The following MACROD1 variants were observed in gnomAD, a reference collection of about 807,000 sequenced individuals.
The protein encoded by MACROD1 is ADP-ribose glycohydrolase MACROD1.
MACROD1 carries 31 observed loss-of-function variants against 41.4 expected under a neutral mutation model. The observed-to-expected ratio is 0.75, with a 90% CI of 0.56 to 1.01. The LOEUF (loss-of-function observed/expected upper bound fraction) is 1.01, where lower values mean the gene tolerates loss of function less well. Ranked by LOEUF, MACROD1 falls within the 50% of genes least tolerant of loss-of-function variation. The pLI, the probability that MACROD1 is intolerant of heterozygous loss-of-function variation, is 0.00. For missense variants in MACROD1, 473 were observed against 460.0 expected (o/e 1.03, Z -0.26); for synonymous variants, 252 against 203.4 (o/e 1.24, Z -2.03).
In MACROD1 at chr11:64,096,650, C is replaced by A. The variant is rs901262796; in HGVS notation, c.517+54589G>T. On this transcript the variant is annotated intron_variant, in intron 3 of 10. Coordinates refer to ENST00000255681, the MANE Select transcript of MACROD1 (RefSeq NM_014067.4). This position sits in a 1 kb window ranked among gnomAD's most constrained non-coding sequence, Gnocchi z 4.6. Reference sequence around the variant, plus strand: ...CAGGCTGGTCTCGAACTCCTGACCTCAAGTTATCCGCCTGCCTCAGCCTCC... The same window carrying A: ...CAGGCTGGTCTCGAACTCCTGACCTAAAGTTATCCGCCTGCCTCAGCCTCC... 1.3e-5 allele frequency among the ~76,000 whole-genome samples: 2 copies of A among 152,146 alleles called. No individual in the cohort carries two copies. Among genetic ancestry groups the A allele is most frequent in the Admixed American group, 6.5e-5 (1 of 15,278 alleles).
In MACROD1 at chr11:64,120,452, T is replaced by C. The variant is rs935744470; in HGVS notation, c.517+30787A>G. Among the ~76,000 whole-genome samples the C allele has an allele frequency of 1.3e-5, 2 of 152,124 alleles. No individual in the cohort carries two copies. The highest frequency in any genetic ancestry group is 2.9e-5 in the Non-Finnish European group (2 of 68,014). On this transcript the variant is annotated intron_variant, in intron 3 of 10. Transcript: ENST00000255681. This position sits in a 1 kb window ranked among gnomAD's most constrained non-coding sequence, Gnocchi z 4.5. ...CTGTAATCCCAGCACTTTGGGAGACTGAGGCAGGCAGATTTTCTGAGGTCA... is the reference window on the plus strand; with the variant it reads ...CTGTAATCCCAGCACTTTGGGAGACCGAGGCAGGCAGATTTTCTGAGGTCA...
chr11:64,130,915 C>T (rs1172563841), intron 3 of MACROD1, among the ~76,000 whole-genome samples: 1 of 152,226 alleles, frequency 6.6e-6, no homozygotes, highest in East Asian at 1.9e-4. Context: ...TGCTGCCAAG[C>T]CTGGGACGAG....
At chr11:64,149,659 C>T (rs1281457413) in intron 3 of MACROD1, among the ~76,000 whole-genome samples, 1 of 152,218 alleles carries the variant, frequency 6.6e-6, no homozygotes, top group African/African-American at 2.4e-5. Flanking sequence ...ATTTTCCCTC[C>T]GGCCACTTTG....
At chr11:64,126,055 C>T (rs960044152) in intron 3 of MACROD1, among the ~76,000 whole-genome samples, 2 of 152,216 alleles carry the variant, frequency 1.3e-5, no homozygotes, top group Non-Finnish European at 2.9e-5. Flanking sequence ...TTGCAATGTT[C>T]TGAGCCCACC....
intron 3 of MACROD1, chr11:64,081,855 G>A (rs1337115199): frequency 2.0e-5 from 3 of 152,154 alleles, no homozygotes; most frequent in African/African-American, 7.2e-5. Flanking sequence ...GAAGACTGAG[G>A]CCGTGGTTCC....
intron 4 of MACROD1, among the ~76,000 whole-genome samples, chr11:64,004,719 C>A (rs1263272885): frequency 2.0e-5 from 3 of 152,062 alleles, no homozygotes; most frequent in African/African-American, 4.8e-5. Flanking sequence ...TGGGGCAAGT[C>A]ACTTAACCTC....
chr11:64,121,498 C>T (rs1181659144), intron 3 of MACROD1, among the ~76,000 whole-genome samples: 1 of 152,214 alleles, frequency 6.6e-6, no homozygotes, highest in Admixed American at 6.5e-5. Context: ...CCAGAGGAAG[C>T]CCCCAAATAT....
In MACROD1 at chr11:64,079,734, G is replaced by A. The variant is rs148497822; in HGVS notation, c.518-64453C>T. ...ATTGGGTTCAGGGAGAGAGTGGGGC[G>A]CACGCTCAGAGAAATGTGGAGTGGA... On this transcript the variant is annotated intron_variant, in intron 3 of 10. Transcript: ENST00000255681. Among the ~76,000 whole-genome samples, 698 of 152,184 alleles carry A rather than the reference G, an allele frequency of 4.6e-3. 2 individuals carry two copies. Among genetic ancestry groups the A allele is most frequent in the African/African-American group, 0.015 (630 of 41,492 alleles).
At chr11:64,001,845 G>A in intron 4 of MACROD1, 3 of 684,246 alleles carry the variant, frequency 4.4e-6, no homozygotes, top group Non-Finnish European at 8.1e-6. Context: ...TGGCTGGGCT[G>A]TGGAGCTGGG....
intron 3 of MACROD1, among the ~76,000 whole-genome samples, chr11:64,095,668 G>A (rs895759955): frequency 3.3e-5 from 5 of 152,208 alleles, no homozygotes; most frequent in Admixed American, 1.3e-4. Flanking sequence ...TGTGTGGACT[G>A]GAATCCCCAG....
intron 4 of MACROD1, among the ~76,000 whole-genome samples, chr11:64,008,217 G>C (rs1372391185): frequency 6.6e-6 from 1 of 152,202 alleles, no homozygotes; most frequent in Non-Finnish European, 1.5e-5. Flanking sequence ...GCAAAGCGTG[G>C]AGGGAGAAAT....
chr11:64,010,753 T>C (rs1565193442), intron 4 of MACROD1, among the ~76,000 whole-genome samples: 1 of 140,368 alleles, frequency 7.1e-6, no homozygotes, highest in East Asian at 2.3e-4. Context: ...GGGTGTTGGC[T>C]GGCATATTGG....
At chr11:64,081,432 C>A (rs562147016) in intron 3 of MACROD1, among the ~76,000 whole-genome samples, 1 of 152,186 alleles carries the variant, frequency 6.6e-6, no homozygotes, top group Non-Finnish European at 1.5e-5. Flanking sequence ...GGGACCTGTC[C>A]CAGCTGTGAC....
chr11:64,070,311 A>G (rs181768857), intron 3 of MACROD1, among the ~76,000 whole-genome samples: 1 of 152,200 alleles, frequency 6.6e-6, no homozygotes, highest in African/African-American at 2.4e-5. Flanking sequence ...GAGCCTCCTC[A>G]TGTTCCCTGG....
intron 3 of MACROD1, among the ~76,000 whole-genome samples, chr11:64,093,774 CAGTGTTCT>C (rs1590898057): frequency 6.6e-6 from 1 of 152,326 alleles, no homozygotes; most frequent in East Asian, 1.9e-4. Context: ...CAGAACAGAA[CAGTGTTCT>C]AGTCTGGCCT....
At chr11:64,062,219 C>G (rs1180642876) in intron 3 of MACROD1, among the ~76,000 whole-genome samples, 2 of 152,100 alleles carry the variant, frequency 1.3e-5, no homozygotes, top group African/African-American at 4.8e-5. Flanking sequence ...GTTCCACCTC[C>G]CCTTTGCTTC....
At chr11:64,010,127 T>TGGGGGGTTGGCTGGGGTGTTGGTG (rs1942980301) in intron 4 of MACROD1, among the ~76,000 whole-genome samples, 3 of 60,862 alleles carry the variant, frequency 4.9e-5, no homozygotes, top group South Asian at 5.6e-4. Context: ...GGGTGTTGGT[T>TGGGGGGTTGGCTGGGGTGTTGGTG]GGGGGGTTGG....
intron 3 of MACROD1, among the ~76,000 whole-genome samples, chr11:64,137,611 G>T (rs1474874386): frequency 6.6e-6 from 1 of 152,126 alleles, no homozygotes; most frequent in Non-Finnish European, 1.5e-5. Flanking sequence ...GTCAGGAGAG[G>T]ATACCAGGAG....
At chr11:64,007,257 T>G (rs1448814340) in intron 4 of MACROD1, among the ~76,000 whole-genome samples, 1 of 152,064 alleles carries the variant, frequency 6.6e-6, no homozygotes, top group Non-Finnish European at 1.5e-5. Flanking sequence ...GCCGCAGCAG[T>G]TCTAGGGACG....
Sources: gnomAD v4.1 joint callset for allele counts (sites outside exome capture counted in the v4.1 genomes callset) on GRCh38, gnomAD v4.1.1 for gene constraint, Gnocchi (gnomAD v3.1) non-coding constraint, MANE v1.5 for transcripts, NCBI Gene and HGNC (gene_info 2026-07-23, HGNC 2026-07-21) for gene names.